NUCB2: variants seen among roughly 807,000 people sequenced by gnomAD.
NUCB2 encodes the protein nucleobindin-2.
NUCB2 carries 48 observed loss-of-function variants against 57.9 expected under a neutral mutation model. The ratio of observed to expected loss-of-function variants is 0.83; its 90% CI spans 0.66 to 1.05. The LOEUF is 1.05. Among genes scored for constraint, NUCB2 ranks in the 50% least tolerant of loss-of-function variants. The pLI, the probability that NUCB2 is intolerant of heterozygous loss-of-function variation, is 0.00. For synonymous variants in NUCB2, 139 were observed against 152.1 expected, an observed-to-expected ratio of 0.91 and a Z score of 0.64; for missense variants, 442 against 476.2, an observed-to-expected ratio of 0.93 and a Z score of 0.67.
chr11:17,278,739 A>G (rs762101948), intron 1 of NUCB2, among the ~76,000 whole-genome samples: 12 of 152,198 alleles, frequency 7.9e-5, no homozygotes, highest in Non-Finnish European at 1.5e-4. Context: ...TATGTTATTA[A>G]TCTCTGAACA....
downstream of NUCB2, among the ~76,000 whole-genome samples, chr11:17,336,722 C>T (rs554908611): frequency 1.6e-5 from 2 of 128,386 alleles, no homozygotes; most frequent in African/African-American, 6.1e-5. Context: ...CCACTGCACT[C>T]CAGCCTGGGC....
At chr11:17,320,029 G>T (rs1421160112) in intron 11 of NUCB2, among the ~76,000 whole-genome samples, 1 of 152,124 alleles carries the variant, frequency 6.6e-6, no homozygotes, top group Non-Finnish European at 1.5e-5. Flanking sequence ...TAGAGATACT[G>T]TCCTCCAGCT....
Position 17,330,219 on chromosome 11 carries a change from A to G in NUCB2, c.1095A>G (p.Ala365=). ...ALQENELKKK[A]DELQKQKEEL... ...AAGAAAATGAACTTAAGAAGAAGGC[A>G]GATGAGCTTCAGAAACAAAAAGAAG... is the stretch of plus-strand genomic sequence containing the variant. Residue 365 remains alanine (A), a synonymous_variant, in exon 12 of 14, where the codon GCA becomes GCG. Transcript: ENST00000529010. This position sits in a 1 kb window ranked among gnomAD's most constrained non-coding sequence, Gnocchi z 4.3. 1.2e-6 allele frequency: 2 copies of G among 1,611,198 alleles called. No individual in the cohort carries two copies. The highest frequency in any genetic ancestry group is 2.2e-5 in the East Asian group (1 of 44,810).
chr11:17,341,405 G>T (rs1302671451), intron 2 of NUCB2, among the ~76,000 whole-genome samples: 2 of 151,628 alleles, frequency 1.3e-5, no homozygotes, highest in African/African-American at 4.8e-5. Flanking sequence ...GTTTTCAAAG[G>T]GAATGCTTCC....
rs1951322483 is a variant in NUCB2, at chr11:17,330,954, G to T, written c.1226G>T (p.Gly409Val). The T allele has an allele frequency of 6.2e-7, 1 of 1,610,228 alleles. No individual in the cohort carries two copies. The highest frequency in any genetic ancestry group is 8.5e-7 in the Non-Finnish European group (1 of 1,177,644). Reference sequence around the variant, plus strand: ...TTACAACAAGGAATTCCTCCATCAGGGCCAGCTGGAGAATTGAAGTTTGAG... The same window carrying T: ...TTACAACAAGGAATTCCTCCATCAGTGCCAGCTGGAGAATTGAAGTTTGAG... ...KKLQQGIPPSGPAGELKFEPH... is the reference protein window; with the variant it reads ...KKLQQGIPPSVPAGELKFEPH... The change falls in exon 13 of 14, where the codon GGG (glycine) becomes GTG (valine). Residue 409 changes from glycine to valine, a missense_variant. By Grantham distance (109) the Gly-to-Val change is moderately radical. Transcript: ENST00000529010. The surrounding 1 kb of genome is among the most constrained non-coding windows in gnomAD (Gnocchi z 4.3).
chr11:17,330,235 C>CA lies in NUCB2; in HGVS notation c.1116dup (p.Glu373ArgfsTer8). 1 of 1,610,568 alleles carries CA rather than the reference C, an allele frequency of 6.2e-7. No homozygotes were observed. Among genetic ancestry groups the CA allele is most frequent in the Non-Finnish European group, 8.5e-7 (1 of 1,178,434 alleles). Reference sequence around the variant, plus strand: ...GAAGAAGGCAGATGAGCTTCAGAAACAAAAAGAAGAGCTACAACGTCAGCA... The same window carrying CA: ...GAAGAAGGCAGATGAGCTTCAGAAACAAAAAAGAAGAGCTACAACGTCAGCA... On this transcript the variant is annotated frameshift_variant, in exon 12 of 14. Coordinates refer to ENST00000529010, the MANE Select transcript of NUCB2 (RefSeq NM_005013.4). LOFTEE classifies it high-confidence loss of function. This position sits in a 1 kb window ranked among gnomAD's most constrained non-coding sequence, Gnocchi z 4.3.
chr11:17,349,221 G>C (rs1953030255), intron 2 of NUCB2: 1 of 152,166 alleles, frequency 6.6e-6, no homozygotes, highest in Admixed American at 6.5e-5. Context: ...AAACCCCCAG[G>C]CTACTCCAAA....
Position 17,330,463 on chromosome 11 carries a change from A to G in NUCB2, c.1173+166A>G, listed in dbSNP as rs1316464556. 1.3e-5 allele frequency among the ~76,000 whole-genome samples: 2 copies of G among 152,162 alleles called. No individual in the cohort carries two copies. The highest frequency in any genetic ancestry group is 2.9e-5 in the Non-Finnish European group (2 of 68,032). ...AAACTGTTTTGTGGAATATTAATCT[A>G]AATTTTATTTTATTTCATTTTATTT... is the stretch of plus-strand genomic sequence containing the variant. On this transcript the variant is annotated intron_variant, in intron 12 of 13. Coordinates refer to ENST00000529010, the MANE Select transcript of NUCB2 (RefSeq NM_005013.4). The surrounding 1 kb of genome is among the most constrained non-coding windows in gnomAD (Gnocchi z 4.3).
At chr11:17,327,013 GTACTGCAAAT>G (rs1950773630) in intron 11 of NUCB2, among the ~76,000 whole-genome samples, 1 of 151,982 alleles carries the variant, frequency 6.6e-6, no homozygotes, top group African/African-American at 2.4e-5. Context: ...TTTCCTGTCA[GTACTGCAAAT>G]ATTTCATATC....
chr11:17,306,657 C>G (rs1187393254), intron 5 of NUCB2, among the ~76,000 whole-genome samples: 2 of 152,160 alleles, frequency 1.3e-5, no homozygotes, highest in Admixed American at 1.3e-4. Flanking sequence ...TGGCTCACAC[C>G]TGTAATCCCA....
chr11:17,305,705 T>G (rs996811548), intron 5 of NUCB2, among the ~76,000 whole-genome samples: 1 of 152,212 alleles, frequency 6.6e-6, no homozygotes, highest in South Asian at 2.1e-4. Context: ...CATTGCAGCC[T>G]CAGACTCCTG....
At chr11:17,324,460 G>A (rs758363293) in intron 11 of NUCB2, among the ~76,000 whole-genome samples, 1 of 151,892 alleles carries the variant, frequency 6.6e-6, no homozygotes, top group African/African-American at 2.4e-5. Context: ...TTGAGACAAA[G>A]TCTTGTTCTG....
chr11:17,295,556 A>G (rs780559682), intron 3 of NUCB2, 89 bp downstream of exon 3: 12 of 970,496 alleles, frequency 1.2e-5, no homozygotes, highest in Admixed American at 4.7e-5. Flanking sequence ...AGGTGAAACT[A>G]TAACTAAATG....
intron 2 of NUCB2, among the ~76,000 whole-genome samples, chr11:17,348,690 G>A (rs191535860): frequency 1.5e-4 from 23 of 151,734 alleles, no homozygotes; most frequent in South Asian, 1.5e-3. Flanking sequence ...CGCTGAATTC[G>A]TCACTCCTAG....
intron 5 of NUCB2, among the ~76,000 whole-genome samples, chr11:17,305,192 C>T (rs1464085641): frequency 6.6e-6 from 1 of 152,124 alleles, no homozygotes; most frequent in Non-Finnish European, 1.5e-5. Flanking sequence ...GGCATGGTAG[C>T]ACATGCCTGT....
At chr11:17,333,359 T>G (rs1951563078), downstream of NUCB2, 1 of 152,188 alleles carries the variant, frequency 6.6e-6, no homozygotes, top group African/African-American at 2.4e-5. Context: ...GGCTTGGGAA[T>G]TAGAGTATAG....
At chr11:17,282,474 T>A (rs958241569) in intron 1 of NUCB2, among the ~76,000 whole-genome samples, 1 of 151,992 alleles carries the variant, frequency 6.6e-6, no homozygotes, top group African/African-American at 2.4e-5. Flanking sequence ...TTGGGCAGGC[T>A]GATCTTGAAC....
chr11:17,289,568 A>G (rs1944580815), intron 2 of NUCB2, among the ~76,000 whole-genome samples: 1 of 152,190 alleles, frequency 6.6e-6, no homozygotes, highest in South Asian at 2.1e-4. Flanking sequence ...GCTCTTCAAC[A>G]TTCAAATCAG....
rs1201477658 is a variant in NUCB2 at position 17,330,302 on chromosome 11, C to T, written c.1173+5C>T. The T allele has an allele frequency of 6.3e-7, 1 of 1,583,486 alleles. No homozygotes were observed. The highest frequency in any genetic ancestry group is 8.5e-7 in the Non-Finnish European group (1 of 1,171,356). ...CAGAAGCTGGAATATCATCAGGTGG[C>T]ATTTTGTCAAAAGATTATGGCATTA... is the stretch of plus-strand genomic sequence containing the variant. On this transcript the variant is annotated splice_donor_5th_base_variant and intron_variant, in intron 12 of 13. Coordinates refer to ENST00000529010, the MANE Select transcript of NUCB2 (RefSeq NM_005013.4). The surrounding 1 kb of genome is among the most constrained non-coding windows in gnomAD (Gnocchi z 4.3).
Sources: allele counts gnomAD v4.1 joint callset (sites outside exome capture counted in the v4.1 genomes callset), GRCh38; gene constraint gnomAD v4.1.1; non-coding constraint Gnocchi (gnomAD v3.1); transcripts MANE v1.5; gene names NCBI Gene and HGNC (gene_info 2026-07-23, HGNC 2026-07-21).